RPS6KC1: variants seen among roughly 807,000 people sequenced by gnomAD.
RPS6KC1 encodes inactive ribosomal protein S6 kinase delta-1.
RPS6KC1 carries 54 observed loss-of-function variants against 103.8 expected under a neutral mutation model. The observed-to-expected ratio is 0.52, with a 90% CI of 0.42 to 0.65. The LOEUF (loss-of-function observed/expected upper bound fraction) is 0.65, where lower values mean the gene tolerates loss of function less well. Among genes scored for constraint, RPS6KC1 ranks in the 30% least tolerant of loss-of-function variants. The pLI is 0.00. For missense variants in RPS6KC1, 1,151 were observed against 1,253.8 expected, an observed-to-expected ratio of 0.92 and a Z score of 1.24; for synonymous variants, 439 against 438.7, an observed-to-expected ratio of 1.00 and a Z score of -0.01.
At chr1:213,365,435 T>A in the RPS6KC1 span, among the ~76,000 whole-genome samples, 1 of 152,256 alleles carries the variant, frequency 6.6e-6, no homozygotes, top group South Asian at 2.1e-4. Context: ...ACTGCTCTTT[T>A]CCATAACTAT....
At chr1:213,115,516 A>G (rs1474498785) in intron 4 of RPS6KC1, among the ~76,000 whole-genome samples, 1 of 152,068 alleles carries the variant, frequency 6.6e-6, no homozygotes, top group Non-Finnish European at 1.5e-5. Flanking sequence ...TCCTGGATTC[A>G]TTAATTTTTT....
At chr1:213,195,610 C>T (rs2092915944) in intron 8 of RPS6KC1, among the ~76,000 whole-genome samples, 1 of 151,990 alleles carries the variant, frequency 6.6e-6, no homozygotes, top group South Asian at 2.1e-4. Context: ...CCCTCACTGC[C>T]CTTCCAGCCT....
At chr1:213,527,578 G>C in the RPS6KC1 span, among the ~76,000 whole-genome samples, 3 of 152,106 alleles carry the variant, frequency 2.0e-5, no homozygotes, top group South Asian at 6.2e-4. Context: ...AATATGGAGA[G>C]TGCTCCAAAG....
chr1:213,053,981 G>A lies in RPS6KC1; in HGVS notation c.105+2472G>A, dbSNP rs376220171. Reference sequence around the variant, plus strand: ...CACTCAAGTAGCTGGGATTACAGGCGCCCTCCACCATACCCGGCTAATTTG... The same window carrying A: ...CACTCAAGTAGCTGGGATTACAGGCACCCTCCACCATACCCGGCTAATTTG... On this transcript the variant is annotated intron_variant, in intron 1 of 14. Transcript: ENST00000366960. Among the ~76,000 whole-genome samples the A allele has an allele frequency of 1.1e-4, 17 of 152,032 alleles. 1 individual carries two copies. Among genetic ancestry groups the A allele is most frequent in the Admixed American group, 6.6e-4 (10 of 15,260 alleles).
chr1:213,324,702 A>G, the RPS6KC1 span, among the ~76,000 whole-genome samples: 1 of 142,856 alleles, frequency 7.0e-6, no homozygotes, highest in African/African-American at 2.6e-5. Context: ...TTTTGTTACC[A>G]TTTGCTTCAT....
intron 3 of RPS6KC1, among the ~76,000 whole-genome samples, chr1:213,103,849 A>G (rs761973051): frequency 3.9e-5 from 6 of 152,190 alleles, no homozygotes; most frequent in Middle Eastern, 3.2e-3. Flanking sequence ...TAAAAATTCT[A>G]TGGAAAGCAC....
chr1:213,232,315 TTCTC>T (rs954330208), intron 10 of RPS6KC1, 60 bp downstream of exon 10: 2 of 1,600,978 alleles, frequency 1.2e-6, no homozygotes, highest in African/African-American at 2.7e-5. Flanking sequence ...AGCTTCCAGT[TTCTC>T]TCTGTCATTT....
At chr1:213,265,558 TTGTC>T (rs149244643) in intron 14 of RPS6KC1, among the ~76,000 whole-genome samples, 6,746 of 152,288 alleles carry the variant, frequency 0.044, 230 homozygotes, top group Non-Finnish European at 0.069. Flanking sequence ...TAGACATAAA[TTGTC>T]TGATTGTGAA....
At chr1:213,507,571 T>A in the RPS6KC1 span, among the ~76,000 whole-genome samples, 1 of 149,452 alleles carries the variant, frequency 6.7e-6, no homozygotes, top group South Asian at 2.1e-4. Context: ...TTTTTTAACC[T>A]GTGAAGCATG....
the RPS6KC1 span, among the ~76,000 whole-genome samples, chr1:213,288,787 A>C: frequency 2.0e-5 from 3 of 152,196 alleles, no homozygotes; most frequent in African/African-American, 7.2e-5. Context: ...TGCTGGATGT[A>C]GCCTTATCAG....
chr1:213,060,926 A>G (rs2077776567), intron 1 of RPS6KC1, among the ~76,000 whole-genome samples: 1 of 151,826 alleles, frequency 6.6e-6, no homozygotes, highest in Non-Finnish European at 1.5e-5. Flanking sequence ...GGCTTCAACA[A>G]TAGACATTTC....
intron 5 of RPS6KC1, among the ~76,000 whole-genome samples, chr1:213,128,708 A>G (rs912081322): frequency 7.2e-5 from 11 of 152,222 alleles, no homozygotes; most frequent in African/African-American, 1.7e-4. Context: ...AATGCTAAAT[A>G]GCATACATTT....
At chr1:213,671,677 G>A in the RPS6KC1 span, among the ~76,000 whole-genome samples, 7 of 152,204 alleles carry the variant, frequency 4.6e-5, no homozygotes, top group African/African-American at 1.4e-4. Context: ...CCAGCTACTC[G>A]GAAGACTAAG....
the RPS6KC1 span, among the ~76,000 whole-genome samples, chr1:213,399,750 G>T: frequency 2.0e-5 from 3 of 152,248 alleles, no homozygotes; most frequent in Middle Eastern, 3.4e-3. Flanking sequence ...GCGATGAATG[G>T]CAGGCACTAA....
At chr1:213,320,634 C>A in the RPS6KC1 span, among the ~76,000 whole-genome samples, 2 of 152,232 alleles carry the variant, frequency 1.3e-5, no homozygotes, top group Admixed American at 1.3e-4. Context: ...AAAATCCCCA[C>A]CCTTAATGTG....
chr1:213,791,739 G>A, the RPS6KC1 span, among the ~76,000 whole-genome samples: 1 of 152,192 alleles, frequency 6.6e-6, no homozygotes. Flanking sequence ...ACATCCCTAT[G>A]AGGTTTGATG....
chr1:213,780,304 G>A, the RPS6KC1 span, among the ~76,000 whole-genome samples: 1 of 152,226 alleles, frequency 6.6e-6, no homozygotes, highest in Non-Finnish European at 1.5e-5. Context: ...AATTATGCTG[G>A]GGCAAAAAGC....
chr1:213,154,909 G>A (rs148481337), intron 6 of RPS6KC1, among the ~76,000 whole-genome samples: 2 of 152,374 alleles, frequency 1.3e-5, no homozygotes, highest in East Asian at 3.9e-4. Context: ...GAAGCCGTAA[G>A]TGTAGTACCT....
chr1:213,291,120 A>G, the RPS6KC1 span, among the ~76,000 whole-genome samples: 15 of 152,350 alleles, frequency 9.8e-5, no homozygotes, highest in Non-Finnish European at 1.8e-4. Flanking sequence ...TGAAGCTACC[A>G]CAGCTTTACC....
Sources: allele counts gnomAD v4.1 joint callset (sites outside exome capture counted in the v4.1 genomes callset), GRCh38; gene constraint gnomAD v4.1.1; transcripts MANE v1.5; gene names NCBI Gene and HGNC (gene_info 2026-07-23, HGNC 2026-07-21).